Variants in MECOM observed in about 807,000 individuals in gnomAD.
MECOM encodes MDS1 and EVI1 complex locus.
A neutral mutation model predicts 116.3 loss-of-function variants in MECOM; 13 were observed. The ratio of observed to expected loss-of-function variants is 0.11; its 90% CI spans 0.07 to 0.18. The LOEUF is 0.18. Ranked by LOEUF, MECOM falls within the 10% of genes least tolerant of loss-of-function variation. The pLI, the probability that MECOM is intolerant of heterozygous loss-of-function variation, is 1.00. For missense variants in MECOM, 1,299 were observed against 1,509.0 expected, an observed-to-expected ratio of 0.86 and a Z score of 2.31; for synonymous variants, 528 against 535.2, an observed-to-expected ratio of 0.99 and a Z score of 0.19.
At chr3:169,599,603 A>AG (rs1372483741) in intron 1 of MECOM, among the ~76,000 whole-genome samples, 1 of 152,172 alleles carries the variant, frequency 6.6e-6, no homozygotes, top group Admixed American at 6.5e-5. Flanking sequence ...GACAAGAATA[A>AG]GCTGGTTCCC....
At chr3:169,659,450 T>C (rs971469711) in intron 1 of MECOM, among the ~76,000 whole-genome samples, 5 of 109,072 alleles carry the variant, frequency 4.6e-5, no homozygotes. Context: ...ATTTTTTTTT[T>C]TTTTTTTTTT....
At chr3:169,267,147 C>T (rs1040985925) in intron 2 of MECOM, among the ~76,000 whole-genome samples, 1 of 152,206 alleles carries the variant, frequency 6.6e-6, no homozygotes, top group Non-Finnish European at 1.5e-5. Flanking sequence ...GAAGGTCACA[C>T]CTTACGATAC....
chr3:169,087,543 GC>G (rs1718208325), intron 16 of MECOM, among the ~76,000 whole-genome samples: 2 of 152,126 alleles, frequency 1.3e-5, no homozygotes, highest in African/African-American at 4.8e-5. Flanking sequence ...GCTATAGTGA[GC>G]CGTGATTGCA....
At chr3:169,151,238 C>A (rs545449559) in intron 2 of MECOM, among the ~76,000 whole-genome samples, 4 of 152,162 alleles carry the variant, frequency 2.6e-5, no homozygotes, top group African/African-American at 9.7e-5. Flanking sequence ...CTGCACTGTC[C>A]ACTTTTAATA....
rs1253550587 is a variant in MECOM, at chr3:169,485,892, TA to T, written c.38-104369del. Among the ~76,000 whole-genome samples, 40 of 90,022 alleles carry T rather than the reference TA, an allele frequency of 4.4e-4. 2 individuals are homozygous for T. The highest frequency in any genetic ancestry group is 1.4e-3 in the African/African-American group (30 of 21,884). The allele number at this position is 90,022 out of a possible 152,430, so 59.1% of individuals were successfully genotyped here. ...GTATATATGTATATATATGTATATA[TA>T]GTATATATAGTATATATGTATGTAT... On this transcript the variant is annotated intron_variant, in intron 1 of 16. Transcript: ENST00000651503.
chr3:169,282,426 A>T (rs1712273833), intron 2 of MECOM, among the ~76,000 whole-genome samples: 1 of 152,212 alleles, frequency 6.6e-6, no homozygotes, highest in African/African-American at 2.4e-5. Context: ...AAATCTAGGG[A>T]GAAGATAACA....
intron 2 of MECOM, chr3:169,146,105 C>T: frequency 2.6e-6 from 1 of 390,578 alleles, no homozygotes; most frequent in Non-Finnish European, 3.9e-6. Context: ...ATAACACACT[C>T]CTGTGTTTTT....
At chr3:169,341,944 T>C (rs558373219) in intron 2 of MECOM, among the ~76,000 whole-genome samples, 30 of 152,198 alleles carry the variant, frequency 2.0e-4, no homozygotes, top group African/African-American at 6.0e-4. Context: ...TCAAAACATC[T>C]CATGTACCCC....
intron 2 of MECOM, among the ~76,000 whole-genome samples, chr3:169,205,222 C>T (rs1749752544): frequency 6.6e-6 from 1 of 152,150 alleles, no homozygotes; most frequent in African/African-American, 2.4e-5. Flanking sequence ...CCCTCAAAAA[C>T]AGGGTTTATA....
chr3:169,099,643 CTT>C (rs1283334486), intron 12 of MECOM, among the ~76,000 whole-genome samples: 3 of 151,984 alleles, frequency 2.0e-5, no homozygotes, highest in Non-Finnish European at 2.9e-5. Flanking sequence ...AAATAACTTA[CTT>C]TTTGTTTTAA....
intron 1 of MECOM, among the ~76,000 whole-genome samples, chr3:169,519,790 T>G (rs1757134114): frequency 6.6e-6 from 1 of 152,282 alleles, no homozygotes. Context: ...GATTTTTGAC[T>G]GCTCAGCATC....
chr3:169,456,143 A>G (rs1746450623), intron 1 of MECOM, among the ~76,000 whole-genome samples: 1 of 152,200 alleles, frequency 6.6e-6, no homozygotes, highest in South Asian at 2.1e-4. Context: ...GGAAGAAAAA[A>G]AAATTCTAGA....
At chr3:169,203,525 T>C (rs1279646014) in intron 2 of MECOM, among the ~76,000 whole-genome samples, 1 of 152,158 alleles carries the variant, frequency 6.6e-6, no homozygotes, top group Non-Finnish European at 1.5e-5. Context: ...AATATAATAA[T>C]GCACATGAAT....
chr3:169,115,883 C>T lies in MECOM; in HGVS notation c.1989G>A (p.Lys663=), dbSNP rs757067379. 1.2e-6 allele frequency: 2 copies of T among 1,614,070 alleles called. No homozygotes were observed. Among genetic ancestry groups the T allele is most frequent in the East Asian group, 2.2e-5 (1 of 44,876 alleles). The part of the protein sequence containing the change: ...AVSGAVNDSI[K]AIASIAEKYF... ...ATTTTTCAGCAATAGAAGCAATAGC[C>T]TTTATAGAATCATTCACAGCTCCTG... Residue 663 remains lysine, a synonymous_variant, in exon 8 of 17, where the codon AAG becomes AAA. Coordinates refer to ENST00000651503, the MANE Select transcript of MECOM (RefSeq NM_004991.4).
At chr3:169,575,216 G>T (rs762727582) in intron 1 of MECOM, among the ~76,000 whole-genome samples, 1 of 152,054 alleles carries the variant, frequency 6.6e-6, no homozygotes, top group African/African-American at 2.4e-5. Flanking sequence ...AGAAAGCTTC[G>T]CCTTAAATAT....
intron 2 of MECOM, among the ~76,000 whole-genome samples, chr3:169,366,722 T>C (rs1022073410): frequency 6.6e-6 from 1 of 152,008 alleles, no homozygotes; most frequent in African/African-American, 2.4e-5. Context: ...AAACAAATCA[T>C]GCACACCTGT....
intron 2 of MECOM, among the ~76,000 whole-genome samples, chr3:169,188,578 T>G (rs1027699316): frequency 6.6e-6 from 1 of 152,168 alleles, no homozygotes; most frequent in East Asian, 1.9e-4. Flanking sequence ...TATTTCCGTA[T>G]AGCCTACAGA....
At chr3:169,188,184 G>A (rs894206559) in intron 2 of MECOM, among the ~76,000 whole-genome samples, 1 of 151,916 alleles carries the variant, frequency 6.6e-6, no homozygotes, top group Admixed American at 6.6e-5. Context: ...TTTCCTTTGA[G>A]CAAGTTCTTG....
chr3:169,136,899 C>T lies in MECOM; in HGVS notation c.511-5368G>A, dbSNP rs137982399. On this transcript the variant is annotated intron_variant, in intron 3 of 16. Transcript: ENST00000651503. ...GGAAGTTTTATTTATGCTTAATAGACTGCATTTGGCATGTCTAAAAATGAC... is the reference window on the plus strand; with the variant it reads ...GGAAGTTTTATTTATGCTTAATAGATTGCATTTGGCATGTCTAAAAATGAC... Among the ~76,000 whole-genome samples, 1,216 of 152,208 alleles carry T rather than the reference C, an allele frequency of 8.0e-3. 6 individuals carry two copies. The highest frequency in any genetic ancestry group is 0.012 in the Non-Finnish European group (786 of 67,966).
Sources: allele counts gnomAD v4.1 joint callset (sites outside exome capture counted in the v4.1 genomes callset), GRCh38; gene constraint gnomAD v4.1.1; transcripts MANE v1.5; gene names NCBI Gene and HGNC (gene_info 2026-07-23, HGNC 2026-07-21).